Variants in COL6A3 observed in about 807,000 individuals in gnomAD.
COL6A3 encodes collagen alpha-3(VI) chain.
A neutral mutation model predicts 274.1 loss-of-function variants in COL6A3; 137 were observed. The observed-to-expected ratio is 0.50, with a 90% CI of 0.44 to 0.58. The LOEUF is 0.58. COL6A3 is among the 20% of genes least tolerant of loss of function. The pLI, the probability that COL6A3 is intolerant of heterozygous loss-of-function variation, is 0.00. For synonymous variants in COL6A3, 1,650 were observed against 1,650.6 expected (o/e 1.00, Z 0.01); for missense variants, 3,950 against 4,124.9 (o/e 0.96, Z 1.16).
intron 4 of COL6A3, among the ~76,000 whole-genome samples, chr2:237,382,250 G>C (rs4663734): frequency 0.011 from 1,622 of 152,184 alleles, 64 homozygotes; most frequent in Admixed American, 0.059. Context: ...GAGCGTGGGG[G>C]CAGACACCTG....
At chr2:237,372,433 G>A (rs761252842) in intron 8 of COL6A3, 96 bp from the exon 9 acceptor site, 82 of 1,594,938 alleles carry the variant, frequency 5.1e-5, no homozygotes, top group Non-Finnish European at 6.6e-5. Context: ...TCACAGGCAG[G>A]GGATCCTAAC....
At chr2:237,353,485 C>A in intron 24 of COL6A3, 82 bp from the exon 25 acceptor site, 2 of 1,290,378 alleles carry the variant, frequency 1.5e-6, no homozygotes, top group Non-Finnish European at 2.2e-6. Context: ...CATTTCTGGG[C>A]CAGGGACTTG....
chr2:237,410,627 A>T (rs933284331), intron 1 of COL6A3, among the ~76,000 whole-genome samples: 6 of 152,212 alleles, frequency 3.9e-5, no homozygotes, highest in African/African-American at 4.8e-5. Context: ...TCTCTTTCCC[A>T]AAATGGACTA....
chr2:237,326,216 G>A (rs1213589273), intron 42 of COL6A3: 2 of 158,682 alleles, frequency 1.3e-5, no homozygotes, highest in Non-Finnish European at 2.8e-5. Context: ...GAAAATTAAA[G>A]GTAAAGCAGA....
At chr2:237,400,182 G>T (rs1279414424) in intron 1 of COL6A3, among the ~76,000 whole-genome samples, 1 of 152,168 alleles carries the variant, frequency 6.6e-6, no homozygotes, top group Non-Finnish European at 1.5e-5. Context: ...AAAGAAGTCT[G>T]TTTCACAGAT....
At chr2:237,398,006 A>G (rs949162675) in intron 1 of COL6A3, among the ~76,000 whole-genome samples, 3 of 152,256 alleles carry the variant, frequency 2.0e-5, no homozygotes, top group African/African-American at 7.2e-5. Flanking sequence ...TTTGACACCC[A>G]GCTTAAGTTT....
Position 237,361,678 on chromosome 2 carries a change from A to G in COL6A3, c.6156+61T>C, listed in dbSNP as rs2077439771. The G allele has an allele frequency of 4.9e-6, 7 of 1,414,458 alleles. No individual in the cohort carries two copies. The highest frequency in any genetic ancestry group is 2.3e-5 in the South Asian group (2 of 87,176). The allele number at this position is 1,414,458 out of a possible 1,614,324, so 87.6% of individuals were successfully genotyped here. On this transcript the variant is annotated intron_variant, in intron 15 of 43. Coordinates refer to ENST00000295550, the MANE Select transcript of COL6A3 (RefSeq NM_004369.4). This position sits in a 1 kb window ranked among gnomAD's most constrained non-coding sequence, Gnocchi z 5.1. ...CTTCTGTTAGAGAAATTACCCCACC[A>G]AAGTAATGTCGGGCTTCTGACACCT...
At chr2:237,348,173 C>A (rs1316728369) in intron 30 of COL6A3, among the ~76,000 whole-genome samples, 176 bp downstream of exon 30, 1 of 152,174 alleles carries the variant, frequency 6.6e-6, no homozygotes, top group Admixed American at 6.5e-5. Flanking sequence ...CGTATTATGA[C>A]CTCCACTTGA....
chr2:237,324,902 G>C (rs1699858090), intron 43 of COL6A3, 88 bp from the exon 44 acceptor site: 1 of 1,362,076 alleles, frequency 7.3e-7, no homozygotes. Flanking sequence ...AAAGGGCACT[G>C]TCATTATCAT....
chr2:237,360,302 G>A (rs548365731), intron 16 of COL6A3, 143 bp from the exon 17 acceptor site: 20 of 821,804 alleles, frequency 2.4e-5, no homozygotes, highest in East Asian at 1.3e-4. Flanking sequence ...TCGAGGCTAC[G>A]TGAGCCAGGG....
In COL6A3 at chr2:237,345,164, G is replaced by A; in HGVS notation, c.7125+17C>T. On this transcript the variant is annotated intron_variant, in intron 33 of 43. Transcript: ENST00000295550. Reference sequence around the variant, plus strand: ...GCTCATGAGGTTAATGAGTCATTCTGGACACATGCAACTTACATCGATGGA... The same window carrying A: ...GCTCATGAGGTTAATGAGTCATTCTAGACACATGCAACTTACATCGATGGA... The A allele has an allele frequency of 1.9e-6, 3 of 1,614,086 alleles. No individual in the cohort carries two copies. Among genetic ancestry groups the A allele is most frequent in the Non-Finnish European group, 2.5e-6 (3 of 1,180,000 alleles).
rs550085228 is a variant in COL6A3, at chr2:237,351,178, G to A, written c.6768C>T (p.Ala2256=). 3.3e-5 allele frequency: 53 copies of A among 1,614,182 alleles called. 1 individual carries two copies. Among genetic ancestry groups the A allele is most frequent in the African/African-American group, 2.0e-4 (15 of 75,030 alleles). The change falls in exon 27 of 44, where the codon GCC becomes GCT. Residue 2256 remains alanine (A), a synonymous_variant. Coordinates refer to ENST00000295550, the MANE Select transcript of COL6A3 (RefSeq NM_004369.4). ...TGCCTCGTTCTCCAGGAGCACCAGC[G>A]GCACCTCCGCTTCCCTGGAGCAGGA... ...GISGPRGSGG[A]AGAPGERGRT... is the part of the protein sequence containing the mutation.
rs151316117 is a variant in COL6A3 at position 237,338,277 on chromosome 2, C to T, written c.8567+738G>A. Among the ~76,000 whole-genome samples, 102 of 152,232 alleles carry T rather than the reference C, an allele frequency of 6.7e-4. 2 individuals carry two copies. Among genetic ancestry groups the T allele is most frequent in the African/African-American group, 2.3e-3 (96 of 41,546 alleles). On this transcript the variant is annotated intron_variant, in intron 39 of 43. Coordinates refer to ENST00000295550, the MANE Select transcript of COL6A3 (RefSeq NM_004369.4). ...CTGCCAGGTCACCTGGTGAACAAAC[C>T]CAAGCTAGCCTGCTGAGAATGAGAG...
chr2:237,370,090 G>A (rs2106354553), intron 9 of COL6A3, among the ~76,000 whole-genome samples: 1 of 151,378 alleles, frequency 6.6e-6, no homozygotes, highest in South Asian at 2.1e-4. Flanking sequence ...TTGAACTCCT[G>A]GGCCCAAGTG....
chr2:237,377,325 C>G lies in COL6A3; in HGVS notation c.2517G>C (p.Leu839=), dbSNP rs187237497. ...LAQPESKRDI[L]FLFDGSANLV... is the part of the protein sequence containing the mutation. ...GATTGGCTGAGCCGTCAAAGAGGAA[C>G]AGAATGTCTCGCTTGCTCTCTGCAA... is the stretch of plus-strand genomic sequence containing the variant. The change falls in exon 7 of 44, where the codon CTG becomes CTC. Residue 839 remains leucine (L), a synonymous_variant. Transcript: ENST00000295550. 11 of 1,600,434 alleles carry G rather than the reference C, an allele frequency of 6.9e-6. No individual in the cohort carries two copies. Among genetic ancestry groups the G allele is most frequent in the Middle Eastern group, 1.7e-4 (1 of 6,058 alleles).
At chr2:237,345,766 G>T (rs951204167) in intron 32 of COL6A3, among the ~76,000 whole-genome samples, 2 of 152,092 alleles carry the variant, frequency 1.3e-5, no homozygotes, top group African/African-American at 4.8e-5. Context: ...CTGCCTGCTT[G>T]GTCTTCTGCA....
rs2077446529 is a variant in COL6A3, at chr2:237,361,933, A to G, written c.6064-102T>C. 2.0e-6 allele frequency: 2 copies of G among 1,003,560 alleles called. No homozygotes were observed. The highest frequency in any genetic ancestry group is 2.6e-5 in the South Asian group (2 of 76,166). 62.2% of individuals were successfully genotyped at this position (1,003,560 alleles called of 1,614,324 possible). A position where few individuals can be genotyped will look rare whatever the true frequency, so the allele number is the denominator to read the frequency against. ...TCAAAATCGGATGTGTGGGGGTTTC[A>G]CGGTGTGAGATGAAGTCCCTCCAGG... On this transcript the variant is annotated intron_variant, in intron 14 of 43. Coordinates refer to ENST00000295550, the MANE Select transcript of COL6A3 (RefSeq NM_004369.4). The surrounding 1 kb of genome is among the most constrained non-coding windows in gnomAD (Gnocchi z 5.1).
intron 25 of COL6A3, among the ~76,000 whole-genome samples, chr2:237,353,084 G>T (rs528378761): frequency 6.6e-6 from 1 of 152,154 alleles, no homozygotes; most frequent in Non-Finnish European, 1.5e-5. Context: ...AATCCATAAA[G>T]AGAGAGAGAT....
chr2:237,400,173 A>G (rs2078554132), intron 1 of COL6A3, among the ~76,000 whole-genome samples: 1 of 152,234 alleles, frequency 6.6e-6, no homozygotes, highest in Admixed American at 6.5e-5. Flanking sequence ...GAAGGTTAAA[A>G]AGAAGTCTGT....
Sources: allele counts gnomAD v4.1 joint callset (sites outside exome capture counted in the v4.1 genomes callset), GRCh38; gene constraint gnomAD v4.1.1; non-coding constraint Gnocchi (gnomAD v3.1); transcripts MANE v1.5; gene names NCBI Gene and HGNC (gene_info 2026-07-23, HGNC 2026-07-21).